BMPR1A: variants seen among roughly 807,000 people sequenced by gnomAD.
BMPR1A encodes the protein bone morphogenetic protein receptor type 1A.
In BMPR1A, 7 loss-of-function variants were observed where a neutral mutation model predicts 66.0. The ratio of observed to expected loss-of-function variants is 0.11; its 90% CI spans 0.06 to 0.20. BMPR1A has a LOEUF of 0.20. Among genes scored for constraint, BMPR1A ranks in the 10% least tolerant of loss-of-function variants. The probability of loss-of-function intolerance (pLI) is 1.00; values close to 1 mark genes in which losing one functional copy is unlikely to be tolerated. For synonymous variants in BMPR1A, 200 were observed against 229.7 expected, an observed-to-expected ratio of 0.87 and a Z score of 1.17; for missense variants, 408 against 669.1, an observed-to-expected ratio of 0.61 and a Z score of 4.31.
intron 1 of BMPR1A, among the ~76,000 whole-genome samples, chr10:86,821,470 G>A (rs1475485332): frequency 1.3e-5 from 2 of 152,084 alleles, no homozygotes; most frequent in Non-Finnish European, 2.9e-5. Flanking sequence ...AAATCTGGGT[G>A]CACAACATGA....
Position 86,917,117 on chromosome 10 carries a change from T to TTA in BMPR1A, c.676-17_676-16insTA. 6.2e-7 allele frequency: 1 copy of TTA among 1,613,608 alleles called. No homozygotes were observed. The highest frequency in any genetic ancestry group is 1.1e-5 in the South Asian group (1 of 91,042). On this transcript the variant is annotated splice_polypyrimidine_tract_variant and intron_variant, in intron 8 of 12. Transcript: ENST00000372037. ...TCTTTCATCAAGAGCTCAAACCTTT[T>TTA]ACTTTTTTCTATAAAGGTTCAGCGA...
At chr10:86,821,508 T>G (rs1466232832) in intron 1 of BMPR1A, among the ~76,000 whole-genome samples, 1 of 152,150 alleles carries the variant, frequency 6.6e-6, no homozygotes, top group Non-Finnish European at 1.5e-5. Flanking sequence ...TTTTTATTAG[T>G]AGGATTGCTC....
chr10:86,804,433 T>G (rs1841857021), intron 1 of BMPR1A, among the ~76,000 whole-genome samples: 1 of 151,996 alleles, frequency 6.6e-6, no homozygotes, highest in South Asian at 2.1e-4. Flanking sequence ...AGAGATGGGG[T>G]TTCGCCATCT....
downstream of BMPR1A, chr10:86,932,128 T>A (rs1843815778): frequency 1.3e-5 from 2 of 152,256 alleles, no homozygotes; most frequent in African/African-American, 4.8e-5. Flanking sequence ...TGTACAGGAA[T>A]CACAGAGACT....
At chr10:86,819,183 C>T (rs1842083627) in intron 1 of BMPR1A, among the ~76,000 whole-genome samples, 1 of 152,014 alleles carries the variant, frequency 6.6e-6, no homozygotes, top group Admixed American at 6.6e-5. Flanking sequence ...ATTATTATTG[C>T]TACTTATTTT....
chr10:86,763,553 A>C (rs994092923), intron 1 of BMPR1A, among the ~76,000 whole-genome samples: 1 of 152,198 alleles, frequency 6.6e-6, no homozygotes, highest in Non-Finnish European at 1.5e-5. Flanking sequence ...TTTTGGTCCT[A>C]ATGACATCAC....
At chr10:86,878,434 T>A (rs1206868821) in intron 3 of BMPR1A, among the ~76,000 whole-genome samples, 1 of 152,276 alleles carries the variant, frequency 6.6e-6, no homozygotes, top group East Asian at 1.9e-4. Context: ...GATATATTAA[T>A]GTTGGATAGA....
At chr10:86,776,344 G>A (rs1010256073) in intron 1 of BMPR1A, among the ~76,000 whole-genome samples, 1 of 152,158 alleles carries the variant, frequency 6.6e-6, no homozygotes, top group Non-Finnish European at 1.5e-5. Flanking sequence ...AAAGTCACAG[G>A]TGTTGCTAAT....
At chr10:86,845,626 T>C (rs1245102449) in intron 2 of BMPR1A, among the ~76,000 whole-genome samples, 2 of 152,136 alleles carry the variant, frequency 1.3e-5, no homozygotes, top group Non-Finnish European at 2.9e-5. Context: ...CTGCCCCTTT[T>C]ACCAGTGAGA....
Position 86,899,827 on chromosome 10 carries a change from G to C in BMPR1A, c.367G>C (p.Glu123Gln). ...AAAAGCCCAGCTACGCCGGACAATA[G>C]AATGTTGTCGGACCAATTTATGTAA... The part of the protein sequence containing the change: ...SPKAQLRRTI[E>Q]CCRTNLCNQY... The change falls in exon 6 of 13, where the codon GAA becomes CAA. Residue 123 changes from glutamate to glutamine, a missense_variant. Around this residue, in one of 5 missense-constraint regions of BMPR1A, gnomAD observed 174 missense variants for 265.1 expected, o/e 0.66. Coordinates refer to ENST00000372037, the MANE Select transcript of BMPR1A (RefSeq NM_004329.3). The C allele has an allele frequency of 6.2e-7, 1 of 1,614,140 alleles. No individual in the cohort carries two copies. Among genetic ancestry groups the C allele is most frequent in the Non-Finnish European group, 8.5e-7 (1 of 1,179,998 alleles).
intron 1 of BMPR1A, among the ~76,000 whole-genome samples, chr10:86,786,364 C>T (rs1232309242): frequency 6.6e-6 from 1 of 152,060 alleles, no homozygotes; most frequent in Non-Finnish European, 1.5e-5. Flanking sequence ...CAATTTTTCT[C>T]CTCCTGATAT....
chr10:86,909,400 G>A (rs931766334), intron 7 of BMPR1A, among the ~76,000 whole-genome samples: 1 of 151,842 alleles, frequency 6.6e-6, no homozygotes, highest in Admixed American at 6.6e-5. Context: ...CGAGACCAGC[G>A]TGGCCAACTA....
intron 2 of BMPR1A, among the ~76,000 whole-genome samples, chr10:86,842,453 TG>T (rs2133130876): frequency 1.3e-5 from 2 of 152,208 alleles, no homozygotes; most frequent in South Asian, 4.1e-4. Context: ...GAATAATTTT[TG>T]TATGGCTTGA....
intron 3 of BMPR1A, 109 bp downstream of exon 3, chr10:86,876,194 G>C: frequency 5.7e-6 from 6 of 1,060,100 alleles, no homozygotes; most frequent in Non-Finnish European, 8.7e-6. Context: ...CAGCCTACTA[G>C]GGCAGCTTTT....
chr10:86,757,799 A>G (rs1241351023), intron 1 of BMPR1A, among the ~76,000 whole-genome samples: 1 of 152,194 alleles, frequency 6.6e-6, no homozygotes, highest in Non-Finnish European at 1.5e-5. Flanking sequence ...ACCGAGTCGC[A>G]AAGAGGTTAA....
chr10:86,878,641 CT>C (rs1450432778), intron 3 of BMPR1A, among the ~76,000 whole-genome samples: 1 of 152,154 alleles, frequency 6.6e-6, no homozygotes, highest in African/African-American at 2.4e-5. Flanking sequence ...CAAGTGGTTA[CT>C]ATTATCTGCA....
intron 1 of BMPR1A, among the ~76,000 whole-genome samples, chr10:86,780,601 A>G (rs1216374982): frequency 6.6e-6 from 1 of 150,968 alleles, no homozygotes; most frequent in Admixed American, 6.6e-5. Flanking sequence ...CGCCCGGCTA[A>G]TTTTTGTATT....
Position 86,899,906 on chromosome 10 carries a change from A to C in BMPR1A, c.430+16A>C, listed in dbSNP as rs762703768. 6.2e-7 allele frequency: 1 copy of C among 1,612,804 alleles called. No individual in the cohort carries two copies. The highest frequency in any genetic ancestry group is 8.5e-7 in the Non-Finnish European group (1 of 1,178,770). On this transcript the variant is annotated intron_variant, in intron 6 of 12. Transcript: ENST00000372037. ...GTTGTCATAGGTAGGTTAGCCGAGA[A>C]AAGTCGGAGCATGCTTCTCAAATAT...
chr10:86,762,297 A>G (rs1371164987), intron 1 of BMPR1A, among the ~76,000 whole-genome samples: 2 of 152,244 alleles, frequency 1.3e-5, no homozygotes, highest in Non-Finnish European at 2.9e-5. Context: ...GTTATAGGTT[A>G]TAGACCTCGT....
Sources: gnomAD v4.1 joint callset for allele counts (sites outside exome capture counted in the v4.1 genomes callset) on GRCh38, gnomAD v4.1.1 for gene constraint, gnomAD v4.1.1 regional missense constraint, MANE v1.5 for transcripts, NCBI Gene and HGNC (gene_info 2026-07-23, HGNC 2026-07-21) for gene names.